Variants in ZMYND11 observed in about 807,000 individuals in gnomAD.
ZMYND11 encodes zinc finger MYND domain-containing protein 11.
A neutral mutation model predicts 84.9 loss-of-function variants in ZMYND11; 9 were observed. The ratio of observed to expected loss-of-function variants is 0.11; its 90% CI spans 0.06 to 0.18. The LOEUF (loss-of-function observed/expected upper bound fraction) is 0.18. Ranked by LOEUF, ZMYND11 falls within the 10% of genes least tolerant of loss-of-function variation. The pLI, the probability that ZMYND11 is intolerant of heterozygous loss-of-function variation, is 1.00. For synonymous variants in ZMYND11, 250 were observed against 244.1 expected, an observed-to-expected ratio of 1.02 and a Z score of -0.23; for missense variants, 409 against 761.0, an observed-to-expected ratio of 0.54 and a Z score of 5.44.
At chr10:214,436 C>G (rs1389110728) in intron 3 of ZMYND11, among the ~76,000 whole-genome samples, 1 of 152,062 alleles carries the variant, frequency 6.6e-6, no homozygotes, top group Non-Finnish European at 1.5e-5. Flanking sequence ...CAAGACTTGT[C>G]TCTTAAGAAA....
intron 2 of ZMYND11, among the ~76,000 whole-genome samples, chr10:196,239 T>C (rs1387211120): frequency 6.6e-6 from 1 of 152,238 alleles, no homozygotes; most frequent in African/African-American, 2.4e-5. Context: ...ATTATTGACA[T>C]GCTGTTCGCT....
intron 4 of ZMYND11, among the ~76,000 whole-genome samples, chr10:228,028 G>A (rs1472123662): frequency 1.3e-5 from 2 of 152,144 alleles, no homozygotes; most frequent in Admixed American, 6.5e-5. Flanking sequence ...GTTAATTTTA[G>A]AAAGATTGTG....
intron 2 of ZMYND11, among the ~76,000 whole-genome samples, chr10:202,683 G>A (rs1441140486): frequency 2.0e-5 from 3 of 152,146 alleles, no homozygotes; most frequent in Non-Finnish European, 4.4e-5. Context: ...ATCTGTGAAA[G>A]GGCTCCCTCA....
chr10:130,981 G>A (rs1440522417), upstream of ZMYND11, among the ~76,000 whole-genome samples: 1 of 152,156 alleles, frequency 6.6e-6, no homozygotes, highest in Non-Finnish European at 1.5e-5. Flanking sequence ...GCTGGGCACG[G>A]TGGCATGCAC....
chr10:200,697 T>C (rs550641855), intron 2 of ZMYND11, among the ~76,000 whole-genome samples: 5 of 152,282 alleles, frequency 3.3e-5, no homozygotes, highest in African/African-American at 9.6e-5. Context: ...GCTGGACTGC[T>C]TTCTAGAAAG....
intron 1 of ZMYND11, among the ~76,000 whole-genome samples, chr10:173,531 CAT>C (rs1353816608): frequency 4.6e-5 from 7 of 152,100 alleles, no homozygotes; most frequent in East Asian, 3.9e-4. Context: ...ACCTGGGTAA[CAT>C]AGCATAATCC....
Position 145,959 on chromosome 10 carries a change from C to G in ZMYND11, c.-20+10400C>G, listed in dbSNP as rs531048050. Among the ~76,000 whole-genome samples the G allele has an allele frequency of 3.9e-5, 6 of 152,126 alleles. No homozygotes were observed. The South Asian group carries it at 1.0e-3, about 26-fold the overall frequency. On this transcript the variant is annotated intron_variant, in intron 1 of 14. Transcript: ENST00000381604. ...TTAGTCATAAATTCTTTGTCTAGACCATTGTCCAGAAGGGTTTTTCCTATG... is the reference window on the plus strand; with the variant it reads ...TTAGTCATAAATTCTTTGTCTAGACGATTGTCCAGAAGGGTTTTTCCTATG...
chr10:211,954 T>C (rs1195274476), intron 3 of ZMYND11, among the ~76,000 whole-genome samples: 3 of 152,190 alleles, frequency 2.0e-5, no homozygotes, highest in Non-Finnish European at 4.4e-5. Context: ...ATCCAGATAA[T>C]GTAAAATTTC....
At chr10:246,574 C>T (rs971780305) in intron 10 of ZMYND11, among the ~76,000 whole-genome samples, 192 bp from the exon 11 acceptor site, 4 of 152,112 alleles carry the variant, frequency 2.6e-5, no homozygotes, top group Non-Finnish European at 5.9e-5. Context: ...CAAGCCATGA[C>T]GAAGCCTAAG....
At chr10:195,974 C>CA (rs1941631892) in intron 2 of ZMYND11, among the ~76,000 whole-genome samples, 1 of 152,172 alleles carries the variant, frequency 6.6e-6, no homozygotes, top group Admixed American at 6.5e-5. Flanking sequence ...GACAGCGGGT[C>CA]ATATAACTGA....
rs11592007 is a variant in ZMYND11 at position 166,497 on chromosome 10, A to G, written c.-19-13497A>G. Among the ~76,000 whole-genome samples, 7 of 152,136 alleles carry G rather than the reference A, an allele frequency of 4.6e-5. No homozygotes were observed. In the South Asian group the frequency reaches 8.3e-4, roughly 18 times the overall value. ...CAATAAATACATGAAAAGGTGTTCAACATCATTAGTCATTAGAAAAATTCA... is the reference window on the plus strand; with the variant it reads ...CAATAAATACATGAAAAGGTGTTCAGCATCATTAGTCATTAGAAAAATTCA... On this transcript the variant is annotated intron_variant, in intron 1 of 14. Transcript: ENST00000381604.
intron 2 of ZMYND11, among the ~76,000 whole-genome samples, chr10:208,242 G>A (rs1343040244): frequency 2.6e-5 from 4 of 152,174 alleles, no homozygotes; most frequent in African/African-American, 9.7e-5. Flanking sequence ...CATGGGCAAG[G>A]ACTTCGTGTC....
chr10:172,359 AG>A (rs1483562710), intron 1 of ZMYND11, among the ~76,000 whole-genome samples: 15 of 152,360 alleles, frequency 9.8e-5, no homozygotes, highest in African/African-American at 3.6e-4. Context: ...CAAATCCAAA[AG>A]AATTAACAAA....
chr10:243,031 A>G (rs1951360763), intron 10 of ZMYND11, among the ~76,000 whole-genome samples: 1 of 152,116 alleles, frequency 6.6e-6, no homozygotes, highest in South Asian at 2.1e-4. Context: ...TTAATACATC[A>G]TACTCGGATG....
intron 10 of ZMYND11, 61 bp from the exon 11 acceptor site, chr10:246,704 CT>C: frequency 6.5e-7 from 1 of 1,541,372 alleles, no homozygotes; most frequent in Admixed American, 1.8e-5. Context: ...CTGAAGCCCT[CT>C]TTTACCACCC....
In ZMYND11 at chr10:150,482, G is replaced by A. The variant is rs570755968; in HGVS notation, c.-20+14923G>A. On this transcript the variant is annotated intron_variant, in intron 1 of 14. Coordinates refer to ENST00000381604, the MANE Select transcript of ZMYND11 (RefSeq NM_001370100.5). ...TATCCCCTTTATCATTTTTAATTGC[G>A]TCTATTTGATTCTTCTCTTTTTTCT... 8.5e-5 allele frequency among the ~76,000 whole-genome samples: 13 copies of A among 152,132 alleles called. No homozygotes were observed. In the South Asian group the frequency reaches 1.2e-3, roughly 15 times the overall value.
intron 2 of ZMYND11, among the ~76,000 whole-genome samples, chr10:188,679 T>C (rs1939461541): frequency 6.6e-6 from 1 of 152,204 alleles, no homozygotes; most frequent in Non-Finnish European, 1.5e-5. Context: ...TTAGTATCCA[T>C]TAAAAACAAG....
At chr10:233,259 CTG>C (rs1949323314) in intron 4 of ZMYND11, among the ~76,000 whole-genome samples, 5 of 152,310 alleles carry the variant, frequency 3.3e-5, no homozygotes, top group Middle Eastern at 3.4e-3. Context: ...CAAGTCTTAG[CTG>C]TGCCGTTTGA....
chr10:142,061 C>A (rs972584263), intron 1 of ZMYND11, among the ~76,000 whole-genome samples: 4 of 152,140 alleles, frequency 2.6e-5, no homozygotes, highest in Non-Finnish European at 4.4e-5. Flanking sequence ...TTTTAGGAAG[C>A]TGGGTTTAAT....
Sources: allele counts gnomAD v4.1 joint callset (sites outside exome capture counted in the v4.1 genomes callset), GRCh38; gene constraint gnomAD v4.1.1; transcripts MANE v1.5; gene names NCBI Gene and HGNC (gene_info 2026-07-23, HGNC 2026-07-21).